ABLIM2: variants seen among roughly 807,000 people sequenced by gnomAD.
The protein encoded by ABLIM2 is actin binding LIM protein family member 2.
ABLIM2 carries 53 observed loss-of-function variants against 97.7 expected under a neutral mutation model. The observed-to-expected ratio is 0.54, with a 90% CI of 0.44 to 0.68. ABLIM2 has a LOEUF of 0.68. Ranked by LOEUF, ABLIM2 falls within the 30% of genes least tolerant of loss-of-function variation. The pLI is 0.00. For missense variants in ABLIM2, 835 were observed against 867.2 expected (o/e 0.96, Z 0.47); for synonymous variants, 361 against 345.8 (o/e 1.04, Z -0.49).
In ABLIM2 at chr4:8,072,219, C is replaced by T. The variant is rs906276508; in HGVS notation, c.675+5409G>A. Among the ~76,000 whole-genome samples, 3 of 152,196 alleles carry T rather than the reference C, an allele frequency of 2.0e-5. No homozygotes were observed. Among genetic ancestry groups the T allele is most frequent in the Admixed American group, 6.5e-5 (1 of 15,288 alleles). ...TCCTCGAATTAGGATGGTTCCTTCCCGATGAACCAGGGCGCACCCCAAATT... is the reference window on the plus strand; with the variant it reads ...TCCTCGAATTAGGATGGTTCCTTCCTGATGAACCAGGGCGCACCCCAAATT... On this transcript the variant is annotated intron_variant, in intron 6 of 20. Transcript: ENST00000447017. This position sits in a 1 kb window ranked among gnomAD's most constrained non-coding sequence, Gnocchi z 5.8.
Position 8,042,668 on chromosome 4 carries a change from C to T in ABLIM2, c.900+2496G>A, listed in dbSNP as rs187662090. Among the ~76,000 whole-genome samples the T allele has an allele frequency of 9.9e-4, 150 of 152,104 alleles. 3 individuals carry two copies. Among genetic ancestry groups the T allele is most frequent in the Admixed American group, 9.8e-3 (149 of 15,274 alleles). ...CAGCCTGACCAACATGGAGAAACCC[C>T]GTCTCTACTAAAAATACAAACTTAG... On this transcript the variant is annotated intron_variant, in intron 9 of 20. Coordinates refer to ENST00000447017, the MANE Select transcript of ABLIM2 (RefSeq NM_001130083.2).
Position 8,122,917 on chromosome 4 carries a change from G to C in ABLIM2, c.11-16280C>G, listed in dbSNP as rs1846127632. On this transcript the variant is annotated intron_variant, in intron 1 of 20. Coordinates refer to ENST00000447017, the MANE Select transcript of ABLIM2 (RefSeq NM_001130083.2). This position sits in a 1 kb window ranked among gnomAD's most constrained non-coding sequence, Gnocchi z 4.1. ...GGGGATGGGAGAGGGAGAGGGGTGA[G>C]GGGCGAACCAGCCCTAGGGGTGGCA... 6.6e-6 allele frequency among the ~76,000 whole-genome samples: 1 copy of C among 152,116 alleles called. No homozygotes were observed. The highest frequency in any genetic ancestry group is 1.5e-5 in the Non-Finnish European group (1 of 68,016).
intron 17 of ABLIM2, among the ~76,000 whole-genome samples, chr4:7,991,974 G>T (rs1416947023): frequency 6.6e-6 from 1 of 152,212 alleles, no homozygotes; most frequent in African/African-American, 2.4e-5. Context: ...GAGGGGGCCA[G>T]TTTTTTAGTG....
intron 8 of ABLIM2, among the ~76,000 whole-genome samples, chr4:8,051,997 G>C (rs1481105227): frequency 1.3e-5 from 2 of 152,168 alleles, no homozygotes; most frequent in Admixed American, 6.5e-5. Flanking sequence ...TGGCTTTGGA[G>C]CCCCCCCTCC....
intron 17 of ABLIM2, among the ~76,000 whole-genome samples, chr4:7,987,093 C>T (rs1484394873): frequency 6.6e-6 from 1 of 152,218 alleles, no homozygotes; most frequent in Non-Finnish European, 1.5e-5. Flanking sequence ...CCTCCCACCT[C>T]AGCCTTCTGG....
chr4:8,158,803 CTTGCGCACACGCCAGGCA>C (rs1716280171), exon 1 of ABLIM2: 2 of 968,994 alleles, frequency 2.1e-6, no homozygotes, highest in African/African-American at 3.5e-5. Flanking sequence ...GCGCCCGCTC[CTTGCGCACACGCCAGGCA>C]GCGCCGCCGC....
rs111580222 is a variant in ABLIM2 at position 8,122,033 on chromosome 4, T to C, written c.11-15396A>G. 0.021 allele frequency among the ~76,000 whole-genome samples: 3,228 copies of C among 152,152 alleles called. 61 individuals are homozygous for C. The highest frequency in any genetic ancestry group is 0.038 in the South Asian group (181 of 4,816). On this transcript the variant is annotated intron_variant, in intron 1 of 20. Coordinates refer to ENST00000447017, the MANE Select transcript of ABLIM2 (RefSeq NM_001130083.2). The surrounding 1 kb of genome is among the most constrained non-coding windows in gnomAD (Gnocchi z 4.1). ...TAGTCCCACCAGGGACCCCACTCTC[T>C]CTCCAGGCAGCTGCTGTGGTACATG...
intron 18 of ABLIM2, 123 bp from the exon 19 acceptor site, chr4:7,983,677 A>G: frequency 1.6e-6 from 2 of 1,218,178 alleles, no homozygotes; most frequent in Non-Finnish European, 2.4e-6. Context: ...TGGGCCATGC[A>G]TGGTCCCCGA....
intron 2 of ABLIM2, among the ~76,000 whole-genome samples, chr4:8,105,904 G>A (rs771704152): frequency 7.9e-5 from 12 of 152,166 alleles, no homozygotes; most frequent in Admixed American, 2.0e-4. Flanking sequence ...GGCCATCTCC[G>A]TTGGCCGGGC....
At chr4:8,018,691 C>T (rs1771280691) in intron 14 of ABLIM2, among the ~76,000 whole-genome samples, 1 of 152,166 alleles carries the variant, frequency 6.6e-6, no homozygotes, top group South Asian at 2.1e-4. Context: ...TATGAGATTC[C>T]ATCTAAAAGT....
At chr4:8,011,190 T>G (rs1764715309) in intron 14 of ABLIM2, among the ~76,000 whole-genome samples, 1 of 152,182 alleles carries the variant, frequency 6.6e-6, no homozygotes, top group Non-Finnish European at 1.5e-5. Flanking sequence ...GGAAGATGGG[T>G]TGACTGACAC....
chr4:8,049,804 C>A (rs1433124192), intron 8 of ABLIM2, among the ~76,000 whole-genome samples: 1 of 152,216 alleles, frequency 6.6e-6, no homozygotes, highest in African/African-American at 2.4e-5. Context: ...TCTTGACTCA[C>A]TGCAACCTCT....
In ABLIM2 at chr4:7,984,880, G is replaced by T. The variant is rs1462247852; in HGVS notation, c.1694C>A (p.Ala565Asp). ...NGLDQRNANL[A>D]PCGADPDASW... ...GGCATCCGGGTCTGCTCCACAGGGGGCCAGATTGGCATTCTGGAAGAGAAA... is the reference window on the plus strand; with the variant it reads ...GGCATCCGGGTCTGCTCCACAGGGGTCCAGATTGGCATTCTGGAAGAGAAA... Residue 565 changes from alanine (A) to aspartate (D), a missense_variant, in exon 18 of 21, where the codon GCC (alanine) becomes GAC (aspartate). Physicochemically the swap from Ala to Asp is moderately radical, Grantham distance 126. Coordinates refer to ENST00000447017, the MANE Select transcript of ABLIM2 (RefSeq NM_001130083.2). 2 of 1,608,800 alleles carry T rather than the reference G, an allele frequency of 1.2e-6. No individual in the cohort carries two copies. Among genetic ancestry groups the T allele is most frequent in the Admixed American group, 3.4e-5 (2 of 59,326 alleles).
chr4:8,090,962 G>A (rs372576729), intron 3 of ABLIM2, among the ~76,000 whole-genome samples: 10 of 151,790 alleles, frequency 6.6e-5, no homozygotes, highest in African/African-American at 2.4e-5. Flanking sequence ...GCCTCTCCGC[G>A]GACACAAGCT....
intron 20 of ABLIM2, among the ~76,000 whole-genome samples, chr4:7,967,650 C>T (rs185033507): frequency 2.1e-3 from 327 of 152,336 alleles, no homozygotes; most frequent in African/African-American, 7.2e-3. Flanking sequence ...CGTGAGAGAG[C>T]TGTTGTGCCT....
Position 8,005,916 on chromosome 4 carries a change from G to A in ABLIM2, c.1618+2143C>T, listed in dbSNP as rs76967168. Among the ~76,000 whole-genome samples the A allele has an allele frequency of 2.0e-5, 3 of 152,334 alleles. No individual in the cohort carries two copies. The highest frequency in any genetic ancestry group is 2.9e-5 in the Non-Finnish European group (2 of 68,026). On this transcript the variant is annotated intron_variant, in intron 16 of 20. Coordinates refer to ENST00000447017, the MANE Select transcript of ABLIM2 (RefSeq NM_001130083.2). This position sits in a 1 kb window ranked among gnomAD's most constrained non-coding sequence, Gnocchi z 4.9. The stretch of plus-strand genomic sequence containing the variant: ...CCCGGGGAATTCATGAGTGCAGCAC[G>A]GGCCATTGGAGTCCTGCAGACCCAG...
rs1366056829 is a variant in ABLIM2 at position 8,113,442 on chromosome 4, A to G, written c.11-6805T>C. ...TTCCGATCTGTGCCCACGGATCTAT[A>G]TTTAGTTCCACCCTTCTCTAAGGGC... is the stretch of plus-strand genomic sequence containing the variant. On this transcript the variant is annotated intron_variant, in intron 1 of 20. Transcript: ENST00000447017. The surrounding 1 kb of genome is among the most constrained non-coding windows in gnomAD (Gnocchi z 4.5). Among the ~76,000 whole-genome samples, 1 of 152,148 alleles carries G rather than the reference A, an allele frequency of 6.6e-6. No individual in the cohort carries two copies. Among genetic ancestry groups the G allele is most frequent in the African/African-American group, 2.4e-5 (1 of 41,436 alleles).
chr4:8,153,985 T>C (rs1370389719), intron 1 of ABLIM2, among the ~76,000 whole-genome samples: 1 of 129,606 alleles, frequency 7.7e-6, no homozygotes, highest in East Asian at 2.2e-4. Flanking sequence ...TTTTTTGAGA[T>C]ACAGTCTCAC....
chr4:8,056,591 A>ACAC (rs1220022888), intron 7 of ABLIM2, among the ~76,000 whole-genome samples: 1 of 150,658 alleles, frequency 6.6e-6, no homozygotes, highest in East Asian at 2.0e-4. Flanking sequence ...ATGAGCCACC[A>ACAC]CACCCAGGCT....
Sources: gnomAD v4.1 joint callset for allele counts (sites outside exome capture counted in the v4.1 genomes callset) on GRCh38, gnomAD v4.1.1 for gene constraint, Gnocchi (gnomAD v3.1) non-coding constraint, MANE v1.5 for transcripts, NCBI Gene and HGNC (gene_info 2026-07-23, HGNC 2026-07-21) for gene names.